GPR21: variants seen among roughly 807,000 people sequenced by gnomAD.
The protein encoded by GPR21 is G protein-coupled receptor 21, also known as probable G protein-coupled receptor 21.
A neutral mutation model predicts 21.5 loss-of-function variants in GPR21; 9 were observed. The ratio of observed to expected loss-of-function variants is 0.42; its 90% CI spans 0.25 to 0.73. The LOEUF is 0.73. Ranked by LOEUF, GPR21 falls within the 30% of genes least tolerant of loss-of-function variation. GPR21 has a pLI of 0.27. For synonymous variants in GPR21, 169 were observed against 159.3 expected, an observed-to-expected ratio of 1.06 and a Z score of -0.46; for missense variants, 416 against 428.9, an observed-to-expected ratio of 0.97 and a Z score of 0.27.
At chr9:123,044,886 C>T in the GPR21 span, among the ~76,000 whole-genome samples, 4 of 151,950 alleles carry the variant, frequency 2.6e-5, no homozygotes, top group African/African-American at 7.3e-5. Context: ...AATGAGATTT[C>T]GTAAAGTATC....
rs760563616 is a variant in GPR21, at chr9:123,035,569, C to T, written c.1003C>T (p.Pro335Ser). 3 of 1,609,042 alleles carry T rather than the reference C, an allele frequency of 1.9e-6. No homozygotes were observed. The highest frequency in any genetic ancestry group is 2.5e-6 in the Non-Finnish European group (3 of 1,178,714). The part of the protein sequence containing the change: ...SCASQTTAND[P>S]YTVRSKGPLN... Reference sequence around the variant, plus strand: ...TGCAAGTCAGACTACAGCCAACGACCCTTACACAGTTAGAAGCAAAGGCCC... The same window carrying T: ...TGCAAGTCAGACTACAGCCAACGACTCTTACACAGTTAGAAGCAAAGGCCC... Residue 335 changes from proline to serine, a missense_variant, in exon 2 of 2, where the codon CCT becomes TCT. Coordinates refer to ENST00000616002, the MANE Select transcript of GPR21 (RefSeq NM_005294.3).
the GPR21 span, among the ~76,000 whole-genome samples, chr9:123,044,945 G>T: frequency 6.6e-6 from 1 of 152,070 alleles, no homozygotes; most frequent in South Asian, 2.1e-4. Flanking sequence ...ACTAAAGACT[G>T]TAATGAAGTG....
chr9:123,036,937 ATTATCT>A (rs1447952795), downstream of GPR21, among the ~76,000 whole-genome samples: 1 of 152,026 alleles, frequency 6.6e-6, no homozygotes, highest in Non-Finnish European at 1.5e-5. Context: ...CTTAAAAGTG[ATTATCT>A]TTAGAGCAAG....
In GPR21 at chr9:123,034,939, A is replaced by G. The variant is rs1249830623; in HGVS notation, c.373A>G (p.Ile125Val). 2 of 1,612,056 alleles carry G rather than the reference A, an allele frequency of 1.2e-6. No individual in the cohort carries two copies. The highest frequency in any genetic ancestry group is 2.2e-5 in the East Asian group (1 of 44,866). Residue 125 changes from isoleucine (I) to valine (V), a missense_variant, in exon 2 of 2, where the codon ATT becomes GTT. Ile to Val is a conservative substitution (Grantham distance 29). Transcript: ENST00000616002. Reference protein sequence around the residue: ...VSMASLACISIDRYIAITKPL... With the variant: ...VSMASLACISVDRYIAITKPL... ...CATGGCTTCTCTGGCCTGTATCAGC[A>G]TTGATAGATACATTGCCATTACTAA...
Position 123,034,491 on chromosome 9 carries a change from G to A in GPR21, c.-76G>A, listed in dbSNP as rs2032499513. On this transcript the variant is annotated 5_prime_UTR_variant, in exon 2 of 2. The change abolishes an upstream ATG in the 5' untranslated region. Transcript: ENST00000616002. ...ACACACATGCAAAGCTGACCGCAAT[G>A]ACAGCAGCTGCTTCTTTGAACTGTT... The A allele has an allele frequency of 5.6e-6, 5 of 886,918 alleles. No homozygotes were observed. Among genetic ancestry groups the A allele is most frequent in the Non-Finnish European group, 7.1e-6 (4 of 565,320 alleles). 54.9% of individuals were successfully genotyped at this position (886,918 alleles called of 1,614,324 possible).
In GPR21 at chr9:123,035,566, G is replaced by T. The variant is rs775422505; in HGVS notation, c.1000G>T (p.Asp334Tyr). ...TTGTGCAAGTCAGACTACAGCCAAC[G>T]ACCCTTACACAGTTAGAAGCAAAGG... is the stretch of plus-strand genomic sequence containing the variant. Reference protein sequence around the residue: ...TSCASQTTANDPYTVRSKGPL... With the variant: ...TSCASQTTANYPYTVRSKGPL... Residue 334 changes from aspartate to tyrosine, a missense_variant, in exon 2 of 2, where the codon GAC becomes TAC. Transcript: ENST00000616002. The T allele has an allele frequency of 2.5e-6, 4 of 1,612,064 alleles. No individual in the cohort carries two copies. Among genetic ancestry groups the T allele is most frequent in the Non-Finnish European group, 2.5e-6 (3 of 1,179,520 alleles).
rs1484140097 is a variant in GPR21 at position 123,035,141 on chromosome 9, C to A, written c.575C>A (p.Thr192Asn). The A allele has an allele frequency of 6.2e-7, 1 of 1,613,886 alleles. No individual in the cohort carries two copies. ...TCCTGGCACACCGACTCCTACTTCACCCTGTTCATCGTGATGATGTTATAT... is the reference window on the plus strand; with the variant it reads ...TCCTGGCACACCGACTCCTACTTCAACCTGTTCATCGTGATGATGTTATAT... Reference protein sequence around the residue: ...AESWHTDSYFTLFIVMMLYAP... With the variant: ...AESWHTDSYFNLFIVMMLYAP... Residue 192 changes from threonine to asparagine, a missense_variant, in exon 2 of 2, where the codon ACC becomes AAC. Physicochemically the swap from Thr to Asn is moderately conservative, Grantham distance 65. Transcript: ENST00000616002.
Position 123,034,841 on chromosome 9 carries a change from A to G in GPR21, c.275A>G (p.His92Arg). 1.2e-6 allele frequency: 2 copies of G among 1,613,056 alleles called. No individual in the cohort carries two copies. Among genetic ancestry groups the G allele is most frequent in the South Asian group, 2.2e-5 (2 of 91,018 alleles). The change falls in exon 2 of 2, where the codon CAC becomes CGC. Residue 92 changes from histidine to arginine, a missense_variant. By Grantham distance (29) the His-to-Arg change is conservative (BLOSUM62 0). Transcript: ENST00000616002. ...CVVPSLSLLH[H>R]PLPVEESLTC... is the part of the protein sequence containing the mutation. Reference sequence around the variant, plus strand: ...GTCCCTTCTTTATCACTCCTCCATCACCCCCTTCCAGTAGAGGAGTCCTTG... The same window carrying G: ...GTCCCTTCTTTATCACTCCTCCATCGCCCCCTTCCAGTAGAGGAGTCCTTG...
the GPR21 span, among the ~76,000 whole-genome samples, chr9:123,048,186 A>G: frequency 6.6e-6 from 1 of 152,044 alleles, no homozygotes; most frequent in Non-Finnish European, 1.5e-5. Flanking sequence ...TGATCCGTCC[A>G]TCTTGGCCTC....
the GPR21 span, among the ~76,000 whole-genome samples, chr9:123,042,808 G>T: frequency 1.3e-5 from 2 of 152,296 alleles, no homozygotes; most frequent in Middle Eastern, 3.4e-3. Flanking sequence ...AAAGATACGT[G>T]TTTTCATAAT....
chr9:123,035,626 G>GT lies in GPR21; in HGVS notation c.*12dup. On this transcript the variant is annotated 3_prime_UTR_variant, in exon 2 of 2. Transcript: ENST00000616002. ...TGGATGTCATATCTGAAGTGGCTCAGTTACGGGGTTCCCGTGTGTGTGTGT... is the reference window on the plus strand; with the variant it reads ...TGGATGTCATATCTGAAGTGGCTCAGTTTACGGGGTTCCCGTGTGTGTGTGT... The GT allele has an allele frequency of 6.7e-7, 1 of 1,497,760 alleles. No individual in the cohort carries two copies. The highest frequency in any genetic ancestry group is 1.2e-5 in the South Asian group (1 of 81,216). The allele number at this position is 1,497,760 out of a possible 1,614,324, so 92.8% of individuals were successfully genotyped here. A position where few individuals can be genotyped will look rare whatever the true frequency, so the allele number is the denominator to read the frequency against.
downstream of GPR21, among the ~76,000 whole-genome samples, chr9:123,039,263 C>G (rs2032829718): frequency 6.6e-6 from 1 of 152,080 alleles, no homozygotes; most frequent in African/African-American, 2.4e-5. Context: ...ATGACAGTAG[C>G]CTTGAATTCA....
At chr9:123,045,779 T>A in the GPR21 span, among the ~76,000 whole-genome samples, 1 of 152,170 alleles carries the variant, frequency 6.6e-6, no homozygotes. Flanking sequence ...GAGCATGGAT[T>A]TTTGGAGTCT....
At chr9:123,037,013 C>T (rs936712632), downstream of GPR21, among the ~76,000 whole-genome samples, 2 of 152,086 alleles carry the variant, frequency 1.3e-5, no homozygotes, top group African/African-American at 4.8e-5. Context: ...GAGAGTATTT[C>T]CTCTACTTTT....
chr9:123,036,287 A>T (rs369655669), downstream of GPR21, among the ~76,000 whole-genome samples: 2 of 152,328 alleles, frequency 1.3e-5, no homozygotes, highest in African/African-American at 4.8e-5. Flanking sequence ...TTTATGAAAA[A>T]CTGAGCTACT....
At position 123,035,233 on chromosome 9, in the gene GPR21, A is replaced by G. The variant is rs761014479; in HGVS notation, c.667A>G (p.Lys223Glu). The G allele has an allele frequency of 5.6e-6, 9 of 1,614,124 alleles. No individual in the cohort carries two copies. In the Admixed American group the frequency reaches 6.7e-5, roughly 12 times the overall value. ...NIFRICQQHT[K>E]DISERQARFS... ...CTTCCGCATCTGCCAACAGCACACA[A>G]AGGATATCAGCGAAAGGCAAGCCCG... Residue 223 changes from lysine to glutamate, a missense_variant, in exon 2 of 2, where the codon AAG becomes GAG. By Grantham distance (56) the Lys-to-Glu change is moderately conservative. Coordinates refer to ENST00000616002, the MANE Select transcript of GPR21 (RefSeq NM_005294.3).
Position 123,033,745 on chromosome 9 carries a change from A to T in GPR21, c.-397+3A>T, listed in dbSNP as rs771373682. ...GATTGCAGCATGCAGAATTACAGGT[A>T]ACATTCTGAAATTGAACTAAACAGT... On this transcript the variant is annotated splice_donor_region_variant and intron_variant, in intron 1 of 1. Coordinates refer to ENST00000616002, the MANE Select transcript of GPR21 (RefSeq NM_005294.3). 6.6e-6 allele frequency: 1 copy of T among 152,242 alleles called. No individual in the cohort carries two copies. Among genetic ancestry groups the T allele is most frequent in the Non-Finnish European group, 1.5e-5 (1 of 68,050 alleles). 9.4% of individuals were successfully genotyped at this position (152,242 alleles called of 1,614,324 possible).
the GPR21 span, among the ~76,000 whole-genome samples, chr9:123,044,618 C>A: frequency 7.8e-6 from 1 of 128,890 alleles, no homozygotes; most frequent in South Asian, 3.0e-4. Context: ...TATAGGAAAA[C>A]ACACGTACGT....
chr9:123,041,909 C>A, the GPR21 span, among the ~76,000 whole-genome samples: 2 of 152,150 alleles, frequency 1.3e-5, no homozygotes, highest in African/African-American at 2.4e-5. Context: ...ATTTAGACAT[C>A]ATCACCCCTT....
Sources: gnomAD v4.1 joint callset for allele counts (sites outside exome capture counted in the v4.1 genomes callset) on GRCh38, gnomAD v4.1.1 for gene constraint, MANE v1.5 for transcripts, NCBI Gene and HGNC (gene_info 2026-07-23, HGNC 2026-07-21) for gene names.